Variants in CPNE4 observed in about 807,000 individuals in gnomAD.
The protein encoded by CPNE4 is copine-4.
A neutral mutation model predicts 67.9 loss-of-function variants in CPNE4; 25 were observed. The ratio of observed to expected loss-of-function variants is 0.37; its 90% confidence interval spans 0.27 to 0.51. The LOEUF (loss-of-function observed/expected upper bound fraction) is 0.51. Ranked by LOEUF, CPNE4 falls within the 20% of genes least tolerant of loss-of-function variation. The probability of loss-of-function intolerance (pLI) is 0.93; values close to 1 mark genes in which losing one functional copy is unlikely to be tolerated. For missense variants in CPNE4, 464 were observed against 690.8 expected (o/e 0.67, Z 3.68); for synonymous variants, 242 against 244.9 (o/e 0.99, Z 0.11).
At chr3:131,620,582 G>T (rs903171460) in intron 7 of CPNE4, 2 of 413,840 alleles carry the variant, frequency 4.8e-6, no homozygotes. Flanking sequence ...ATAGCAAAAA[G>T]AACTTAACAA....
chr3:131,863,287 G>A (rs1304169668), intron 2 of CPNE4, among the ~76,000 whole-genome samples: 1 of 152,094 alleles, frequency 6.6e-6, no homozygotes, highest in Non-Finnish European at 1.5e-5. Flanking sequence ...TCGCCACACT[G>A]ACTTCCACAA....
chr3:131,805,429 T>G (rs2084271947), intron 2 of CPNE4, among the ~76,000 whole-genome samples: 2 of 152,236 alleles, frequency 1.3e-5, no homozygotes, highest in Admixed American at 1.3e-4. Flanking sequence ...TGTGCTGTTC[T>G]AGTTATACCT....
chr3:132,011,382 G>A (rs2073757790), intron 1 of CPNE4, among the ~76,000 whole-genome samples: 1 of 152,152 alleles, frequency 6.6e-6, no homozygotes, highest in Non-Finnish European at 1.5e-5. Context: ...AAAAAGCTTG[G>A]ATTTCACACT....
In CPNE4 at chr3:131,823,028, A is replaced by T. The variant is rs980319453; in HGVS notation, c.180+82236T>A. On this transcript the variant is annotated intron_variant, in intron 2 of 15. Coordinates refer to ENST00000429747, the MANE Select transcript of CPNE4 (RefSeq NM_130808.3). ...TAATTTTTTGTATTTTTTAATAGAG[A>T]CAGGGTTTCACCGTGTTAGCCAGGC... Among the ~76,000 whole-genome samples, 21 of 152,098 alleles carry T rather than the reference A, an allele frequency of 1.4e-4. 1 individual carries two copies. The highest frequency in any genetic ancestry group is 1.2e-3 in the Admixed American group (19 of 15,272).
At chr3:131,982,124 C>A (rs1443414213) in intron 1 of CPNE4, among the ~76,000 whole-genome samples, 1 of 152,166 alleles carries the variant, frequency 6.6e-6, no homozygotes, top group Non-Finnish European at 1.5e-5. Flanking sequence ...TTTTATGTTT[C>A]TTTAAAGGTC....
intron 2 of CPNE4, among the ~76,000 whole-genome samples, chr3:131,787,793 G>A (rs2083606668): frequency 6.6e-6 from 1 of 152,100 alleles, no homozygotes; most frequent in African/African-American, 2.4e-5. Flanking sequence ...TAAGTTCCTG[G>A]AAGGCAGAAT....
intron 2 of CPNE4, among the ~76,000 whole-genome samples, chr3:131,806,075 C>CA (rs1365834859): frequency 6.6e-6 from 1 of 152,180 alleles, no homozygotes; most frequent in East Asian, 1.9e-4. Context: ...AGATACTGTG[C>CA]AGCCATATTC....
intron 2 of CPNE4, among the ~76,000 whole-genome samples, chr3:131,872,460 C>A (rs960279480): frequency 3.9e-5 from 6 of 152,168 alleles, no homozygotes; most frequent in African/African-American, 1.4e-4. Flanking sequence ...AGGAGAAATT[C>A]TCTTTTACCT....
chr3:131,838,227 A>C (rs1393993344), intron 2 of CPNE4, among the ~76,000 whole-genome samples: 1 of 152,064 alleles, frequency 6.6e-6, no homozygotes, highest in Admixed American at 6.6e-5. Flanking sequence ...TGACAAAATT[A>C]TAAGACATTC....
chr3:131,767,703 T>C (rs933782827), intron 2 of CPNE4, among the ~76,000 whole-genome samples: 4 of 152,162 alleles, frequency 2.6e-5, no homozygotes, highest in African/African-American at 4.8e-5. Flanking sequence ...ACCATAAGGA[T>C]AACTTTGAGC....
At chr3:131,694,224 A>G (rs1160177131) in intron 5 of CPNE4, among the ~76,000 whole-genome samples, 1 of 152,200 alleles carries the variant, frequency 6.6e-6, no homozygotes, top group African/African-American at 2.4e-5. Context: ...TGTTTATTTT[A>G]TAGTGACTTT....
chr3:131,903,408 A>G (rs2107770791), intron 2 of CPNE4, among the ~76,000 whole-genome samples: 1 of 130,904 alleles, frequency 7.6e-6, no homozygotes, highest in East Asian at 2.5e-4. Context: ...AGATGCAAAA[A>G]AGGAAAAAAA....
chr3:131,882,149 C>T (rs2087695931), intron 2 of CPNE4, among the ~76,000 whole-genome samples: 1 of 152,072 alleles, frequency 6.6e-6, no homozygotes, highest in South Asian at 2.1e-4. Flanking sequence ...CACACACACA[C>T]ACACACACAC....
At chr3:131,809,724 A>C (rs756577587) in intron 2 of CPNE4, among the ~76,000 whole-genome samples, 1 of 152,146 alleles carries the variant, frequency 6.6e-6, no homozygotes, top group Non-Finnish European at 1.5e-5. Context: ...GAATGAGAAA[A>C]GGTAATATCA....
intron 2 of CPNE4, among the ~76,000 whole-genome samples, chr3:131,768,579 A>C (rs1252185336): frequency 6.6e-6 from 1 of 152,168 alleles, no homozygotes; most frequent in Non-Finnish European, 1.5e-5. Context: ...TGCTTTAATC[A>C]GAAGAGTCCT....
intron 2 of CPNE4, among the ~76,000 whole-genome samples, chr3:131,751,772 TTTG>T (rs1402979182): frequency 1.0e-4 from 14 of 135,434 alleles, no homozygotes; most frequent in Admixed American, 8.4e-4. Context: ...CTGTTTTTTT[TTTG>T]TTTTTTTGTT....
chr3:131,870,144 G>A (rs973247588), intron 2 of CPNE4, among the ~76,000 whole-genome samples: 1 of 152,074 alleles, frequency 6.6e-6, no homozygotes, highest in African/African-American at 2.4e-5. Context: ...AACTTTCCAG[G>A]AGCCTCTTAG....
chr3:131,906,964 A>G (rs1277878420), intron 1 of CPNE4, among the ~76,000 whole-genome samples: 1 of 152,048 alleles, frequency 6.6e-6, no homozygotes, highest in Non-Finnish European at 1.5e-5. Flanking sequence ...GTGAGATGGT[A>G]TCTCATTGTG....
chr3:131,635,657 C>T (rs1244758600), intron 7 of CPNE4, among the ~76,000 whole-genome samples: 1 of 152,188 alleles, frequency 6.6e-6, no homozygotes, highest in African/African-American at 2.4e-5. Flanking sequence ...CACGAAAATT[C>T]TGCTACACAG....
Sources: gnomAD v4.1 joint callset for allele counts (sites outside exome capture counted in the v4.1 genomes callset) on GRCh38, gnomAD v4.1.1 for gene constraint, MANE v1.5 for transcripts, NCBI Gene and HGNC (gene_info 2026-07-23, HGNC 2026-07-21) for gene names.